Variants in LRP1B observed in about 807,000 individuals in gnomAD.
The protein encoded by LRP1B is LDL receptor related protein 1B.
LRP1B carries 217 observed loss-of-function variants against 556.6 expected under a neutral mutation model. The observed-to-expected ratio is 0.39, with a 90% CI of 0.35 to 0.44. LRP1B has a LOEUF of 0.44. Among genes scored for constraint, LRP1B ranks in the 20% least tolerant of loss-of-function variants. The probability of loss-of-function intolerance (pLI) is 1.00; values close to 1 mark genes in which losing one functional copy is unlikely to be tolerated. For synonymous variants in LRP1B, 2,047 were observed against 1,865.8 expected, an observed-to-expected ratio of 1.10 and a Z score of -2.50; for missense variants, 5,053 against 5,620.8, an observed-to-expected ratio of 0.90 and a Z score of 3.23.
chr2:141,054,778 G>A (rs1461306549), intron 10 of LRP1B, among the ~76,000 whole-genome samples: 1 of 151,772 alleles, frequency 6.6e-6, no homozygotes, highest in Non-Finnish European at 1.5e-5. Context: ...GTAGCATATT[G>A]GTTCAAATAA....
chr2:141,200,789 A>G (rs1681975471), intron 6 of LRP1B, among the ~76,000 whole-genome samples: 1 of 152,138 alleles, frequency 6.6e-6, no homozygotes, highest in Admixed American at 6.6e-5. Context: ...AAGGTCCTAT[A>G]TGTGTAATTC....
At chr2:141,271,799 T>C (rs141223270) in intron 3 of LRP1B, among the ~76,000 whole-genome samples, 1 of 148,826 alleles carries the variant, frequency 6.7e-6, no homozygotes, top group East Asian at 1.9e-4. Flanking sequence ...GGATTGATAA[T>C]GATATAGCTA....
At chr2:141,743,501 C>CTTTTTTTTTTTTTTTTTTTTTTTTTTT (rs796287062) in intron 2 of LRP1B, among the ~76,000 whole-genome samples, 10 of 119,026 alleles carry the variant, frequency 8.4e-5, no homozygotes, top group African/African-American at 1.1e-4. Context: ...TTTTTTTTTT[C>CTTTTTTTTTTTTTTTTTTTTTTTTTTT]TTTTTTTTTT....
intron 1 of LRP1B, among the ~76,000 whole-genome samples, chr2:141,840,257 CT>C (rs565362139): frequency 5.0e-3 from 421 of 84,244 alleles, no homozygotes; most frequent in South Asian, 0.038. Context: ...AACAAATTTC[CT>C]TTTTTTTTTT....
Position 142,086,289 on chromosome 2 carries a change from T to C in LRP1B, c.82+44359A>G, listed in dbSNP as rs146447034. ...GGATCCTCTATGGGCATTTTTCCTG[T>C]GGCTGTGGTGTTGGACAGGAAAACA... On this transcript the variant is annotated intron_variant, in intron 1 of 90. Transcript: ENST00000389484. Among the ~76,000 whole-genome samples the C allele has an allele frequency of 6.7e-3, 1,025 of 152,258 alleles. 17 individuals carry two copies. Among genetic ancestry groups the C allele is most frequent in the African/African-American group, 0.023 (974 of 41,538 alleles).
chr2:141,676,175 T>C (rs1224827972), intron 2 of LRP1B, among the ~76,000 whole-genome samples: 1 of 152,148 alleles, frequency 6.6e-6, no homozygotes, highest in Non-Finnish European at 1.5e-5. Flanking sequence ...TATTATATTA[T>C]TCATTTTTTT....
At chr2:140,548,747 A>C (rs951671031) in intron 43 of LRP1B, among the ~76,000 whole-genome samples, 3 of 151,902 alleles carry the variant, frequency 2.0e-5, no homozygotes, top group Non-Finnish European at 4.4e-5. Context: ...ACATGGTGAA[A>C]TCCCCGTCTC....
intron 3 of LRP1B, among the ~76,000 whole-genome samples, chr2:141,359,308 G>C (rs1206349934): frequency 1.4e-5 from 2 of 138,002 alleles, no homozygotes; most frequent in African/African-American, 5.2e-5. Flanking sequence ...AAATACAAAT[G>C]CTATTAAAAA....
intron 41 of LRP1B, among the ~76,000 whole-genome samples, chr2:140,630,364 G>T (rs971435645): frequency 3.9e-5 from 6 of 152,180 alleles, no homozygotes; most frequent in African/African-American, 1.4e-4. Flanking sequence ...TAAGAGAAAA[G>T]CTGCAAAACT....
intron 1 of LRP1B, among the ~76,000 whole-genome samples, chr2:142,045,287 A>G (rs532486834): frequency 9.9e-5 from 15 of 151,958 alleles, no homozygotes; most frequent in Middle Eastern, 3.4e-3. Context: ...TTCCTATCAC[A>G]GTTCATAAAA....
intron 1 of LRP1B, among the ~76,000 whole-genome samples, chr2:142,091,194 A>G (rs552156784): frequency 6.6e-5 from 10 of 152,252 alleles, no homozygotes; most frequent in African/African-American, 2.4e-4. Context: ...ATTTATCTAC[A>G]ACTTCTATTT....
intron 1 of LRP1B, among the ~76,000 whole-genome samples, chr2:141,983,745 T>G (rs916065931): frequency 2.0e-5 from 3 of 152,192 alleles, no homozygotes; most frequent in African/African-American, 7.2e-5. Context: ...AATGTGACAA[T>G]GGCAATAAAA....
At chr2:140,566,397 T>C (rs1490122715) in intron 43 of LRP1B, among the ~76,000 whole-genome samples, 1 of 152,124 alleles carries the variant, frequency 6.6e-6, no homozygotes, top group Non-Finnish European at 1.5e-5. Context: ...GCTAAAGTTG[T>C]TCACCTCCTC....
At chr2:141,139,357 C>G (rs979113050) in intron 7 of LRP1B, among the ~76,000 whole-genome samples, 1 of 151,758 alleles carries the variant, frequency 6.6e-6, no homozygotes, top group East Asian at 1.9e-4. Context: ...TGATAAACTT[C>G]ATCAAATATT....
chr2:141,054,465 T>C lies in LRP1B; in HGVS notation c.1552+651A>G, dbSNP rs75903289. ...AATTATTGTGCAAAATATTAAGTTATGAAAGTCATTTTTAAAATCCTTTTT... is the reference window on the plus strand; with the variant it reads ...AATTATTGTGCAAAATATTAAGTTACGAAAGTCATTTTTAAAATCCTTTTT... On this transcript the variant is annotated intron_variant, in intron 10 of 90. Coordinates refer to ENST00000389484, the MANE Select transcript of LRP1B (RefSeq NM_018557.3). Among the ~76,000 whole-genome samples, 427 of 152,148 alleles carry C rather than the reference T, an allele frequency of 2.8e-3. 2 individuals carry two copies. The highest frequency in any genetic ancestry group is 9.8e-3 in the African/African-American group (409 of 41,546).
At chr2:140,510,918 C>T (rs1689624391) in intron 51 of LRP1B, among the ~76,000 whole-genome samples, 1 of 152,000 alleles carries the variant, frequency 6.6e-6, no homozygotes, top group African/African-American at 2.4e-5. Flanking sequence ...TGTGCAGTTA[C>T]ATACAATGAA....
intron 1 of LRP1B, among the ~76,000 whole-genome samples, chr2:141,995,418 A>G (rs1374333717): frequency 6.6e-6 from 1 of 151,478 alleles, no homozygotes; most frequent in East Asian, 1.9e-4. Flanking sequence ...TCTGACTCTG[A>G]CTCTTCCGCC....
intron 2 of LRP1B, among the ~76,000 whole-genome samples, chr2:141,486,191 T>C (rs994234771): frequency 2.3e-4 from 35 of 152,270 alleles, no homozygotes; most frequent in African/African-American, 7.7e-4. Flanking sequence ...AACTCCATCA[T>C]TGGGTGACCC....
At position 140,540,930 on chromosome 2, in the gene LRP1B, TG is replaced by T. The variant is rs1376480925; in HGVS notation, c.7513+42del. 1.9e-6 allele frequency: 3 copies of T among 1,585,668 alleles called. No individual in the cohort carries two copies. In the South Asian group the frequency reaches 3.4e-5, roughly 18 times the overall value. Reference sequence around the variant, plus strand: ...CAATTTCAGTGATGTGTGTGGAATTTGGAACAGATTTGTCATATTACATTTC... The same window carrying T: ...CAATTTCAGTGATGTGTGTGGAATTTGAACAGATTTGTCATATTACATTTC... On this transcript the variant is annotated intron_variant, in intron 45 of 90. Transcript: ENST00000389484.
Sources: allele counts gnomAD v4.1 joint callset (sites outside exome capture counted in the v4.1 genomes callset), GRCh38; gene constraint gnomAD v4.1.1; transcripts MANE v1.5; gene names NCBI Gene and HGNC (gene_info 2026-07-23, HGNC 2026-07-21).